CNTN4: variants seen among roughly 807,000 people sequenced by gnomAD.
CNTN4 encodes contactin-4.
A neutral mutation model predicts 122.5 loss-of-function variants in CNTN4; 77 were observed. That is an observed-to-expected ratio of 0.63 (90% CI 0.52 to 0.76). CNTN4 has a LOEUF of 0.76. CNTN4 is among the 30% of genes least tolerant of loss of function. The probability of loss-of-function intolerance (pLI) is 0.00; values close to 1 mark genes in which losing one functional copy is unlikely to be tolerated. For missense variants in CNTN4, 1,256 were observed against 1,259.1 expected (o/e 1.00, Z 0.04); for synonymous variants, 512 against 447.0 (o/e 1.15, Z -1.83).
chr3:2,351,066 T>A (rs370600305), intron 3 of CNTN4, among the ~76,000 whole-genome samples: 1 of 152,196 alleles, frequency 6.6e-6, no homozygotes, highest in South Asian at 2.1e-4. Flanking sequence ...AGTTCCTATA[T>A]TGAGTTTGCT....
chr3:3,035,802 C>G (rs9310929), intron 17 of CNTN4, among the ~76,000 whole-genome samples: 96,832 of 151,852 alleles, frequency 0.64, 31,332 homozygotes, highest in Middle Eastern at 0.71. Context: ...AAGCAATTCT[C>G]CATCAGCCTC....
chr3:2,837,979 G>A lies in CNTN4; in HGVS notation c.454+18398G>A, dbSNP rs186416455. ...ATATAAGTCATCTCATCATGTACTA[G>A]CATTCCAGATAGCTCATAAACAATT... On this transcript the variant is annotated intron_variant, in intron 7 of 24. Transcript: ENST00000418658. 3.9e-5 allele frequency among the ~76,000 whole-genome samples: 6 copies of A among 152,304 alleles called. No homozygotes were observed. The East Asian group carries it at 1.2e-3, about 29-fold the overall frequency.
In CNTN4 at chr3:3,026,121, A is replaced by T. The variant is rs1698696504; in HGVS notation, c.1506A>T (p.Val502=). The T allele has an allele frequency of 1.2e-6, 2 of 1,613,054 alleles. No individual in the cohort carries two copies. Among genetic ancestry groups the T allele is most frequent in the Non-Finnish European group, 1.7e-6 (2 of 1,179,408 alleles). The change falls in exon 15 of 25, where the codon GTA becomes GTT. Residue 502 remains valine (V), a synonymous_variant. Transcript: ENST00000418658. ...LVVKDPTRVM[V]PPSSMDVTVG... The stretch of plus-strand genomic sequence containing the variant: ...CTCCAGATCCAACAAGGGTAATGGT[A>T]CCCCCTTCCAGTATGGATGTCACTG...
At chr3:2,719,443 C>T (rs1360956845) in intron 4 of CNTN4, among the ~76,000 whole-genome samples, 1 of 152,082 alleles carries the variant, frequency 6.6e-6, no homozygotes, top group Non-Finnish European at 1.5e-5. Flanking sequence ...TGCAGGAATG[C>T]ACCACCATGC....
chr3:2,934,731 A>G (rs1206511732), intron 13 of CNTN4, among the ~76,000 whole-genome samples: 2 of 152,382 alleles, frequency 1.3e-5, no homozygotes, highest in Middle Eastern at 3.4e-3. Context: ...GCCCTGGGGA[A>G]CAATTATGTT....
intron 6 of CNTN4, among the ~76,000 whole-genome samples, chr3:2,808,031 G>A (rs1024228799): frequency 1.3e-5 from 2 of 152,182 alleles, no homozygotes; most frequent in African/African-American, 4.8e-5. Context: ...ACCACTAAGT[G>A]CTAGGCAAAT....
chr3:2,340,687 A>T (rs1327458470), intron 3 of CNTN4, among the ~76,000 whole-genome samples: 1 of 32,392 alleles, frequency 3.1e-5, no homozygotes, highest in Non-Finnish European at 7.2e-5. Context: ...CATAAATTTT[A>T]TATATATATA....
chr3:2,976,906 A>G (rs1693470694), intron 13 of CNTN4, among the ~76,000 whole-genome samples: 1 of 150,228 alleles, frequency 6.7e-6, no homozygotes, highest in Non-Finnish European at 1.5e-5. Flanking sequence ...TCTTGGTGTT[A>G]TTTGCTATCA....
At chr3:2,522,149 TTGTGTGTGTGTGTGTGTG>T (rs71621496) in intron 3 of CNTN4, among the ~76,000 whole-genome samples, 4 of 63,416 alleles carry the variant, frequency 6.3e-5, no homozygotes, top group African/African-American at 2.1e-4. Context: ...CCTAAGCAGT[TTGTGTGTGTGTGTGTGTG>T]TGTGTGTGTG....
At chr3:2,407,620 C>A (rs754604921) in intron 3 of CNTN4, among the ~76,000 whole-genome samples, 2 of 152,156 alleles carry the variant, frequency 1.3e-5, no homozygotes, top group Non-Finnish European at 1.5e-5. Context: ...CCACATACTT[C>A]GTACTTGCTT....
intron 4 of CNTN4, among the ~76,000 whole-genome samples, chr3:2,693,994 C>T (rs1265923019): frequency 6.6e-6 from 1 of 152,122 alleles, no homozygotes; most frequent in Non-Finnish European, 1.5e-5. Flanking sequence ...CCAGTATAGT[C>T]CTAATCTGAC....
chr3:2,160,026 T>C (rs754960673), intron 2 of CNTN4, among the ~76,000 whole-genome samples: 6 of 152,180 alleles, frequency 3.9e-5, no homozygotes, highest in Non-Finnish European at 5.9e-5. Context: ...TCCTAATTTC[T>C]TATGCCTGTA....
chr3:2,347,600 G>A (rs1235926182), intron 3 of CNTN4, among the ~76,000 whole-genome samples: 1 of 151,868 alleles, frequency 6.6e-6, no homozygotes, highest in Non-Finnish European at 1.5e-5. Context: ...AGTAGAGACA[G>A]GGTTTCACCA....
At chr3:3,016,833 C>T (rs528109013) in intron 14 of CNTN4, among the ~76,000 whole-genome samples, 5 of 152,266 alleles carry the variant, frequency 3.3e-5, no homozygotes, top group African/African-American at 1.2e-4. Context: ...GCGATTTTCC[C>T]CCAGTCCTTG....
chr3:2,751,168 C>A (rs1011887100), intron 6 of CNTN4, among the ~76,000 whole-genome samples: 28 of 151,416 alleles, frequency 1.8e-4, no homozygotes, highest in African/African-American at 6.6e-4. Flanking sequence ...ATTAGCCAGG[C>A]ATGGTGGCGG....
intron 3 of CNTN4, among the ~76,000 whole-genome samples, chr3:2,480,619 G>A (rs975506419): frequency 6.6e-6 from 1 of 152,160 alleles, no homozygotes; most frequent in African/African-American, 2.4e-5. Flanking sequence ...AACTAAATAA[G>A]TGGAAATATA....
intron 13 of CNTN4, among the ~76,000 whole-genome samples, chr3:2,959,455 A>G (rs1172058893): frequency 6.6e-6 from 1 of 152,168 alleles, no homozygotes; most frequent in Non-Finnish European, 1.5e-5. Flanking sequence ...TCTTGGTCAT[A>G]ACTTTGAAAG....
intron 2 of CNTN4, among the ~76,000 whole-genome samples, chr3:2,103,300 A>G (rs139216070): frequency 1.1e-3 from 174 of 152,340 alleles, no homozygotes; most frequent in African/African-American, 4.1e-3. Flanking sequence ...TAAAGTAGAA[A>G]AAAAGGATAT....
intron 2 of CNTN4, among the ~76,000 whole-genome samples, chr3:2,183,631 G>A (rs890413175): frequency 1.3e-5 from 2 of 152,102 alleles, no homozygotes; most frequent in African/African-American, 4.8e-5. Flanking sequence ...GTCTTTATCT[G>A]TTTGTTTGCT....
Sources: allele counts gnomAD v4.1 joint callset (sites outside exome capture counted in the v4.1 genomes callset), GRCh38; gene constraint gnomAD v4.1.1; transcripts MANE v1.5; gene names NCBI Gene and HGNC (gene_info 2026-07-23, HGNC 2026-07-21).